The following MAGI2 variants were observed in gnomAD, a reference collection of about 807,000 sequenced individuals.
The protein encoded by MAGI2 is membrane-associated guanylate kinase, WW and PDZ domain-containing protein 2.
MAGI2 carries 35 observed loss-of-function variants against 133.3 expected under a neutral mutation model. That is an observed-to-expected ratio of 0.26 (90% CI 0.20 to 0.35). The LOEUF is 0.35. Ranked by LOEUF, MAGI2 falls within the 10% of genes least tolerant of loss-of-function variation. MAGI2 has a pLI of 1.00. For synonymous variants in MAGI2, 729 were observed against 710.6 expected, an observed-to-expected ratio of 1.03 and a Z score of -0.41; for missense variants, 1,636 against 1,863.4, an observed-to-expected ratio of 0.88 and a Z score of 2.25.
At chr7:78,333,315 A>C (rs1789422414) in intron 9 of MAGI2, among the ~76,000 whole-genome samples, 1 of 152,206 alleles carries the variant, frequency 6.6e-6, no homozygotes, top group African/African-American at 2.4e-5. Flanking sequence ...TAAAAGTGAA[A>C]GGTACTTTCT....
chr7:78,682,196 A>G (rs1336941609), intron 2 of MAGI2, among the ~76,000 whole-genome samples: 2 of 152,162 alleles, frequency 1.3e-5, no homozygotes, highest in Admixed American at 1.3e-4. Context: ...AAACTGTTCA[A>G]TATTTTAGGT....
At chr7:79,324,878 T>C (rs1388363934) in intron 1 of MAGI2, among the ~76,000 whole-genome samples, 2 of 150,782 alleles carry the variant, frequency 1.3e-5, no homozygotes, top group African/African-American at 4.9e-5. Flanking sequence ...CTTTTCAGTA[T>C]ACAAAGAAAC....
chr7:78,115,647 CTGAGTACCAA>C (rs1819794750), intron 20 of MAGI2, among the ~76,000 whole-genome samples: 1 of 151,476 alleles, frequency 6.6e-6, no homozygotes, highest in Non-Finnish European at 1.5e-5. Flanking sequence ...AAGAAATAAC[CTGAGTACCAA>C]AAAACATGTC....
intron 20 of MAGI2, among the ~76,000 whole-genome samples, chr7:78,085,942 C>T (rs567542828): frequency 9.9e-5 from 15 of 152,104 alleles, no homozygotes; most frequent in Admixed American, 3.9e-4. Flanking sequence ...ACATTCATAA[C>T]GGGGAGCTGG....
At chr7:79,415,033 G>A (rs1233390812) in intron 1 of MAGI2, 1 of 152,150 alleles carries the variant, frequency 6.6e-6, no homozygotes, top group African/African-American at 2.4e-5. Flanking sequence ...AGATTTCAAG[G>A]ACATGGGCTG....
intron 9 of MAGI2, among the ~76,000 whole-genome samples, chr7:78,263,703 C>T (rs1271899517): frequency 6.6e-6 from 1 of 152,184 alleles, no homozygotes; most frequent in Non-Finnish European, 1.5e-5. Flanking sequence ...CTTCTACCTG[C>T]TTCCCTGTCA....
At chr7:79,359,289 T>C (rs2129120307) in intron 1 of MAGI2, among the ~76,000 whole-genome samples, 1 of 152,118 alleles carries the variant, frequency 6.6e-6, no homozygotes, top group African/African-American at 2.4e-5. Context: ...AGATAATTCA[T>C]CCAAAACTAA....
chr7:78,187,837 C>T (rs1827838388), intron 12 of MAGI2, among the ~76,000 whole-genome samples: 1 of 152,132 alleles, frequency 6.6e-6, no homozygotes, highest in Non-Finnish European at 1.5e-5. Context: ...GACCTACTTG[C>T]CATCTAGCAC....
chr7:78,349,608 G>A (rs1003452144), intron 7 of MAGI2, among the ~76,000 whole-genome samples: 2 of 152,154 alleles, frequency 1.3e-5, no homozygotes, highest in Non-Finnish European at 2.9e-5. Context: ...AGTTCACAGA[G>A]AATGAGAATA....
At chr7:79,000,695 A>T (rs1394867138) in intron 2 of MAGI2, among the ~76,000 whole-genome samples, 3 of 152,160 alleles carry the variant, frequency 2.0e-5, no homozygotes, top group African/African-American at 7.2e-5. Flanking sequence ...CTGTGAAACA[A>T]ATTTGGCATA....
intron 1 of MAGI2, among the ~76,000 whole-genome samples, chr7:79,427,485 T>C (rs994609079): frequency 6.6e-6 from 1 of 152,192 alleles, no homozygotes; most frequent in African/African-American, 2.4e-5. Flanking sequence ...AGAATGTAGA[T>C]ATCACTTCTA....
rs36097343 is a variant in MAGI2, at chr7:78,280,853, C to CAAAA, written c.1409-24276_1409-24273dup. Reference sequence around the variant, plus strand: ...ACTTGATCTTCAGGTGATGGGTATACAAAAAAAAAAAAAAAAAAAAAAATT... The same window carrying CAAAA: ...ACTTGATCTTCAGGTGATGGGTATACAAAAAAAAAAAAAAAAAAAAAAAAAAATT... On this transcript the variant is annotated intron_variant, in intron 9 of 21. Transcript: ENST00000354212. Among the ~76,000 whole-genome samples, 450 of 108,006 alleles carry CAAAA rather than the reference C, an allele frequency of 4.2e-3. 5 individuals carry two copies. The highest frequency in any genetic ancestry group is 0.015 in the African/African-American group (425 of 27,510). The allele number at this position is 108,006 out of a possible 152,430, so 70.9% of individuals were successfully genotyped here.
In MAGI2 at chr7:78,493,152, T is replaced by A. The variant is rs115693222; in HGVS notation, c.966-3312A>T. ...AAGTAAGCCAGAAGTGAAATTTCAG[T>A]CAAGTCCGCATTTCTAGTTTAAATT... On this transcript the variant is annotated intron_variant, in intron 5 of 21. Coordinates refer to ENST00000354212, the MANE Select transcript of MAGI2 (RefSeq NM_012301.4). 4.6e-3 allele frequency among the ~76,000 whole-genome samples: 702 copies of A among 152,262 alleles called. 2 individuals are homozygous for A. Among genetic ancestry groups the A allele is most frequent in the African/African-American group, 0.013 (549 of 41,556 alleles).
At chr7:78,540,394 C>G (rs978790922) in intron 3 of MAGI2, among the ~76,000 whole-genome samples, 1 of 152,248 alleles carries the variant, frequency 6.6e-6, no homozygotes, top group South Asian at 2.1e-4. Context: ...TCACCCAGCC[C>G]CACGTAGCCA....
chr7:79,328,545 C>T (rs937307190), intron 1 of MAGI2, among the ~76,000 whole-genome samples: 1 of 152,186 alleles, frequency 6.6e-6, no homozygotes, highest in Non-Finnish European at 1.5e-5. Context: ...ATATTATGTA[C>T]ATTAAAGCAA....
At chr7:78,740,696 TC>T (rs1163207806) in intron 2 of MAGI2, among the ~76,000 whole-genome samples, 1 of 152,220 alleles carries the variant, frequency 6.6e-6, no homozygotes, top group African/African-American at 2.4e-5. Context: ...CAGACCAGAC[TC>T]TTTTTGCTCA....
chr7:78,921,829 C>T (rs367873006), intron 2 of MAGI2, among the ~76,000 whole-genome samples: 20 of 151,986 alleles, frequency 1.3e-4, no homozygotes, highest in Admixed American at 9.2e-4. Flanking sequence ...AGACAGGTTT[C>T]GCCATGTTGG....
intron 1 of MAGI2, among the ~76,000 whole-genome samples, chr7:79,288,506 AT>A (rs1029109625): frequency 6.6e-6 from 1 of 152,126 alleles, no homozygotes; most frequent in African/African-American, 2.4e-5. Flanking sequence ...AGCTGTTTAC[AT>A]TTTTTGGTAC....
intron 1 of MAGI2, among the ~76,000 whole-genome samples, chr7:79,110,513 G>A (rs1347231154): frequency 6.6e-6 from 1 of 152,180 alleles, no homozygotes; most frequent in Non-Finnish European, 1.5e-5. Flanking sequence ...TTTTGGAATG[G>A]GAATGTTTAC....
Sources: gnomAD v4.1 joint callset for allele counts (sites outside exome capture counted in the v4.1 genomes callset) on GRCh38, gnomAD v4.1.1 for gene constraint, MANE v1.5 for transcripts, NCBI Gene and HGNC (gene_info 2026-07-23, HGNC 2026-07-21) for gene names.